Variants in YME1L1 observed in about 807,000 individuals in gnomAD.
YME1L1 encodes YME1 like 1 ATPase, also known as ATP-dependent zinc metalloprotease YME1L1.
YME1L1 carries 39 observed loss-of-function variants against 90.4 expected under a neutral mutation model. The ratio of observed to expected loss-of-function variants is 0.43; its 90% CI spans 0.33 to 0.56. The LOEUF (loss-of-function observed/expected upper bound fraction) is 0.56, where lower values mean the gene tolerates loss of function less well. YME1L1 is among the 20% of genes least tolerant of loss of function. The pLI, the probability that YME1L1 is intolerant of heterozygous loss-of-function variation, is 0.03. For synonymous variants in YME1L1, 284 were observed against 287.3 expected, an observed-to-expected ratio of 0.99 and a Z score of 0.12; for missense variants, 617 against 868.4, an observed-to-expected ratio of 0.71 and a Z score of 3.64.
intron 4 of YME1L1, among the ~76,000 whole-genome samples, chr10:27,138,826 A>G (rs867536119): frequency 6.7e-6 from 1 of 150,076 alleles, no homozygotes; most frequent in Non-Finnish European, 1.5e-5. Flanking sequence ...ATTAATGCTG[A>G]AAAAAAAACC....
At chr10:27,123,150 T>C (rs1199110298) in intron 10 of YME1L1, among the ~76,000 whole-genome samples, 177 bp from the exon 11 acceptor site, 2 of 152,192 alleles carry the variant, frequency 1.3e-5, no homozygotes, top group East Asian at 1.9e-4. Flanking sequence ...GAAAAAACTA[T>C]ACCAAAGAAA....
At chr10:27,136,219 C>A in intron 5 of YME1L1, 57 bp downstream of exon 5, 1 of 1,384,612 alleles carries the variant, frequency 7.2e-7, no homozygotes, top group Non-Finnish European at 1.0e-6. Flanking sequence ...TATTGAAGCT[C>A]CTCACTCTAA....
At chr10:27,119,162 C>T in intron 14 of YME1L1, 132 bp downstream of exon 14, 1 of 893,612 alleles carries the variant, frequency 1.1e-6, no homozygotes, top group Non-Finnish European at 1.6e-6. Context: ...AAAACCCAGA[C>T]ACTGAAGTTT....
intron 1 of YME1L1, among the ~76,000 whole-genome samples, chr10:27,150,577 G>T (rs1398219439): frequency 6.6e-6 from 1 of 152,172 alleles, no homozygotes; most frequent in African/African-American, 2.4e-5. Context: ...AAACTAAGAT[G>T]GAGAGGAGAG....
At chr10:27,146,853 C>T (rs1337801826) in intron 2 of YME1L1, 1 of 155,176 alleles carries the variant, frequency 6.4e-6, no homozygotes, top group African/African-American at 2.4e-5. Context: ...ACTAACATAA[C>T]TATAAAATAC....
At chr10:27,117,849 G>T in intron 14 of YME1L1, 122 bp from the exon 15 acceptor site, 1 of 952,816 alleles carries the variant, frequency 1.0e-6, no homozygotes, top group Non-Finnish European at 1.6e-6. Context: ...TGCATCCATA[G>T]ATTCAACCAA....
At chr10:27,117,479 A>C in intron 15 of YME1L1, 97 bp downstream of exon 15, 1 of 1,311,042 alleles carries the variant, frequency 7.6e-7, no homozygotes, top group Non-Finnish European at 1.1e-6. Flanking sequence ...GAGGTGAAAG[A>C]ATCGTTTGAA....
intron 8 of YME1L1, among the ~76,000 whole-genome samples, chr10:27,128,114 G>A (rs2056939368): frequency 6.6e-6 from 1 of 152,148 alleles, no homozygotes; most frequent in Non-Finnish European, 1.5e-5. Context: ...TCAAGGTAAT[G>A]AATCAAGTTA....
intron 5 of YME1L1, among the ~76,000 whole-genome samples, 154 bp from the exon 6 acceptor site, chr10:27,135,135 A>G (rs1441237639): frequency 6.6e-6 from 1 of 152,216 alleles, no homozygotes; most frequent in African/African-American, 2.4e-5. Context: ...ATTAATCAAT[A>G]ACTAGGAAAC....
intron 4 of YME1L1, 21 bp from the exon 5 acceptor site, chr10:27,136,406 C>A: frequency 6.3e-7 from 1 of 1,575,098 alleles, no homozygotes; most frequent in Non-Finnish European, 8.7e-7. Flanking sequence ...CAATACCATT[C>A]ACTGTCACTA....
chr10:27,144,380 G>A (rs2057120648), intron 3 of YME1L1, among the ~76,000 whole-genome samples: 1 of 152,130 alleles, frequency 6.6e-6, no homozygotes, highest in Admixed American at 6.5e-5. Flanking sequence ...AAAGGCAAAG[G>A]AAGGGTCAAG....
At chr10:27,113,815 C>T (rs1215014496) in intron 18 of YME1L1, among the ~76,000 whole-genome samples, 1 of 149,874 alleles carries the variant, frequency 6.7e-6, no homozygotes, top group Non-Finnish European at 1.5e-5. Flanking sequence ...TATAGCAAGA[C>T]CCATCCCCTT....
In YME1L1 at chr10:27,112,066, T is replaced by C; in HGVS notation, c.2062A>G (p.Asn688Asp). 1 of 1,614,124 alleles carries C rather than the reference T, an allele frequency of 6.2e-7. No homozygotes were observed. The highest frequency in any genetic ancestry group is 8.5e-7 in the Non-Finnish European group (1 of 1,180,014). The change falls in exon 19 of 19, where the codon AAT (asparagine) becomes GAT (aspartate). Residue 688 changes from asparagine to aspartate, a missense_variant. Transcript: ENST00000376016. ...TAGGTCAATAAAGCTTCTGCGAGATTCTTATGCTCCTTTGCATGAGTTTTC... is the reference window on the plus strand; with the variant it reads ...TAGGTCAATAAAGCTTCTGCGAGATCCTTATGCTCCTTTGCATGAGTTTTC... ...ILKTHAKEHK[N>D]LAEALLTYET...
rs2057012153 is a variant in YME1L1, at chr10:27,134,939, C to T, written c.583G>A (p.Asp195Asn). The stretch of plus-strand genomic sequence containing the variant: ...ATATTTTTGGTTTTCATGAGTTTGT[C>T]CAAACTCTCAACATCTGATCCTCTG... ...RDRGSDVESL[D>N]KLMKTKNIPE... The change falls in exon 6 of 19, where the codon GAC becomes AAC. Residue 195 changes from aspartate (D) to asparagine (N), a missense_variant. Asp to Asn is a conservative substitution (Grantham distance 23). Transcript: ENST00000376016. 6.2e-7 allele frequency: 1 copy of T among 1,613,126 alleles called. No homozygotes were observed.
chr10:27,148,964 G>A lies in YME1L1; in HGVS notation c.110C>T (p.Ser37Leu). 1 of 1,614,060 alleles carries A rather than the reference G, an allele frequency of 6.2e-7. No homozygotes were observed. The highest frequency in any genetic ancestry group is 8.5e-7 in the Non-Finnish European group (1 of 1,179,996). Residue 37 changes from serine to leucine, a missense_variant, in exon 2 of 19, where the codon TCA becomes TTA. Ser to Leu is a moderately radical substitution (Grantham distance 145). Transcript: ENST00000376016. Reference sequence around the variant, plus strand: ...ATCTCGATGCTGGTTTTGAGAAACTGACACTCCACTGAGAGAAACAGAAGT... The same window carrying A: ...ATCTCGATGCTGGTTTTGAGAAACTAACACTCCACTGAGAGAAACAGAAGT... ...KNTSVSLSGV[S>L]VSQNQHRDVV...
In YME1L1 at chr10:27,115,322, T is replaced by TA. The variant is rs1564454788; in HGVS notation, c.1921-716_1921-715insT. Among the ~76,000 whole-genome samples, 3 of 144,670 alleles carry TA rather than the reference T, an allele frequency of 2.1e-5. No individual in the cohort carries two copies. The South Asian group carries it at 7.2e-4, about 35-fold the overall frequency. The allele number at this position is 144,670 out of a possible 152,430, so 94.9% of individuals were successfully genotyped here. On this transcript the variant is annotated intron_variant, in intron 17 of 18. Coordinates refer to ENST00000376016, the MANE Select transcript of YME1L1 (RefSeq NM_014263.4). ...TATGAGCAAGACAGAACATTTAAAATCTTTTTTTTTTTTTTTGGAGACAGG... is the reference window on the plus strand; with the variant it reads ...TATGAGCAAGACAGAACATTTAAAATACTTTTTTTTTTTTTTTGGAGACAGG...
chr10:27,136,479 C>T, intron 4 of YME1L1, 94 bp from the exon 5 acceptor site: 1 of 973,660 alleles, frequency 1.0e-6, no homozygotes, highest in Middle Eastern at 2.6e-4. Context: ...ACCTGTATAT[C>T]CTAGTCTATC....
intron 12 of YME1L1, 64 bp downstream of exon 12, chr10:27,121,322 C>G (rs370355056): frequency 5.8e-5 from 69 of 1,183,864 alleles, no homozygotes; most frequent in Non-Finnish European, 8.3e-5. Flanking sequence ...TTGCAACGGA[C>G]TTCTTTTAGC....
At position 27,116,333 on chromosome 10, in the gene YME1L1, G is replaced by A. The variant is rs1438413705; in HGVS notation, c.1732C>T (p.Pro578Ser). The A allele has an allele frequency of 1.2e-6, 2 of 1,613,856 alleles. No homozygotes were observed. Among genetic ancestry groups the A allele is most frequent in the Non-Finnish European group, 1.7e-6 (2 of 1,180,016 alleles). The change falls in exon 16 of 19, where the codon CCT (proline) becomes TCT (serine). Residue 578 changes from proline (P) to serine (S), a missense_variant. Physicochemically the swap from Pro to Ser is moderately conservative, Grantham distance 74. Around this residue, in one of 4 missense-constraint regions of YME1L1, gnomAD observed 212 missense variants for 330.0 expected, o/e 0.64. Transcript: ENST00000376016. ...GPTLGHVSLL[P>S]ENDRWNETRA... is the part of the protein sequence containing the mutation. Reference sequence around the variant, plus strand: ...GTTTCATTCCATCTGTCATTCTCAGGTAACAGGGACACCTAGACAATTAAA... The same window carrying A: ...GTTTCATTCCATCTGTCATTCTCAGATAACAGGGACACCTAGACAATTAAA...
Sources: allele counts gnomAD v4.1 joint callset (sites outside exome capture counted in the v4.1 genomes callset), GRCh38; gene constraint gnomAD v4.1.1; regional missense constraint gnomAD v4.1.1; transcripts MANE v1.5; gene names NCBI Gene and HGNC (gene_info 2026-07-23, HGNC 2026-07-21).